ANKRD22: variants seen among roughly 807,000 people sequenced by gnomAD.
ANKRD22 encodes ankyrin repeat domain 22, also known as ankyrin repeat domain-containing protein 22.
Under a neutral mutation model 25.7 loss-of-function variants are expected in ANKRD22, and 24 were observed. That is an observed-to-expected ratio of 0.93 (90% CI 0.68 to 1.31). The LOEUF (loss-of-function observed/expected upper bound fraction) is 1.31. Among genes scored for constraint, ANKRD22 ranks in the 50% most tolerant of loss-of-function variants. ANKRD22 has a pLI of 0.00. For missense variants in ANKRD22, 214 were observed against 227.1 expected (o/e 0.94, Z 0.37); for synonymous variants, 84 against 84.3 (o/e 1.00, Z 0.02).
At chr10:88,847,779 A>C (rs1038409462) in intron 1 of ANKRD22, among the ~76,000 whole-genome samples, 24 of 151,924 alleles carry the variant, frequency 1.6e-4, no homozygotes, top group African/African-American at 5.3e-4. Context: ...AAAAAACCCC[A>C]AAAAACAAAA....
chr10:88,820,238 C>T lies in ANKRD22; in HGVS notation c.*2703G>A. The T allele has an allele frequency of 6.4e-7, 1 of 1,550,420 alleles. No individual in the cohort carries two copies. Among genetic ancestry groups the T allele is most frequent in the Non-Finnish European group, 8.7e-7 (1 of 1,146,618 alleles). ...AACTATTCCTTTTCTCTAGCCAACT[C>T]CTGTAAGGTACAGAGTCAGAGATAT... On this transcript the variant is annotated 3_prime_UTR_variant, in exon 6 of 6. Transcript: ENST00000371930.
At chr10:88,824,060 A>G (rs10887859) in intron 4 of ANKRD22, among the ~76,000 whole-genome samples, 46,379 of 151,898 alleles carry the variant, frequency 0.31, 8,176 homozygotes, top group East Asian at 0.44. Context: ...ATGGCCCTTT[A>G]CATAAACATT....
intron 4 of ANKRD22, among the ~76,000 whole-genome samples, chr10:88,824,211 T>C (rs1843832240): frequency 6.6e-6 from 1 of 152,244 alleles, no homozygotes; most frequent in South Asian, 2.1e-4. Context: ...TATAAGCTAG[T>C]GCATCTACTC....
At chr10:88,825,003 TCTCTCTCTCACACACA>T (rs1699026486) in intron 4 of ANKRD22, among the ~76,000 whole-genome samples, 1 of 91,170 alleles carries the variant, frequency 1.1e-5, no homozygotes, top group African/African-American at 3.1e-5. Flanking sequence ...TCTCTCTCTC[TCTCTCTCTCACACACA>T]CACACACACA....
At chr10:88,831,755 G>C in intron 2 of ANKRD22, 80 bp downstream of exon 2, 1 of 1,380,196 alleles carries the variant, frequency 7.2e-7, no homozygotes, top group Non-Finnish European at 9.7e-7. Context: ...TTTAAAAAAT[G>C]ACATGCACCA....
intron 1 of ANKRD22, among the ~76,000 whole-genome samples, chr10:88,836,819 G>A (rs1053210607): frequency 5.3e-5 from 8 of 151,984 alleles, no homozygotes; most frequent in Non-Finnish European, 2.9e-5. Flanking sequence ...GTCTGCAGAA[G>A]AAACAGAAAA....
chr10:88,843,831 A>T (rs1458972189), intron 1 of ANKRD22, among the ~76,000 whole-genome samples: 1 of 152,074 alleles, frequency 6.6e-6, no homozygotes, highest in South Asian at 2.1e-4. Context: ...CTCTCACATA[A>T]CCTACTATAT....
Position 88,821,911 on chromosome 10 carries a change from A to G in ANKRD22, c.*1030T>C, listed in dbSNP as rs1419014720. Among the ~76,000 whole-genome samples the G allele has an allele frequency of 6.6e-6, 1 of 152,260 alleles. No homozygotes were observed. The highest frequency in any genetic ancestry group is 6.5e-5 in the Admixed American group (1 of 15,278). On this transcript the variant is annotated 3_prime_UTR_variant, in exon 6 of 6. Transcript: ENST00000371930. Reference sequence around the variant, plus strand: ...TTTTGATATTCGCAATCTCTCACTTAGACAAATAATCCAGATCCTACCTCA... The same window carrying G: ...TTTTGATATTCGCAATCTCTCACTTGGACAAATAATCCAGATCCTACCTCA...
intron 1 of ANKRD22, among the ~76,000 whole-genome samples, chr10:88,844,312 C>T (rs772367610): frequency 6.6e-6 from 1 of 152,010 alleles, no homozygotes; most frequent in African/African-American, 2.4e-5. Context: ...GTCTCGTAGA[C>T]CATGGTTAGG....
chr10:88,843,350 G>A (rs921990163), intron 1 of ANKRD22, among the ~76,000 whole-genome samples: 3 of 152,030 alleles, frequency 2.0e-5, no homozygotes, highest in South Asian at 2.1e-4. Flanking sequence ...CCTGCCAAAG[G>A]TCAACTGTTG....
chr10:88,832,419 C>T (rs1843913514), intron 1 of ANKRD22, among the ~76,000 whole-genome samples: 1 of 148,574 alleles, frequency 6.7e-6, no homozygotes, highest in South Asian at 2.1e-4. Context: ...GACAAAATAC[C>T]TTTATCTTTA....
At chr10:88,835,931 C>G (rs1355082093) in intron 1 of ANKRD22, among the ~76,000 whole-genome samples, 1 of 152,154 alleles carries the variant, frequency 6.6e-6, no homozygotes, top group Non-Finnish European at 1.5e-5. Flanking sequence ...GAAAAGCTAT[C>G]ATAAACCCCT....
At chr10:88,842,787 A>G (rs572009688) in intron 1 of ANKRD22, among the ~76,000 whole-genome samples, 156 of 152,292 alleles carry the variant, frequency 1.0e-3, no homozygotes, top group African/African-American at 3.4e-3. Flanking sequence ...TTGGAAAAAT[A>G]ATGACAGGAA....
intron 1 of ANKRD22, among the ~76,000 whole-genome samples, chr10:88,850,050 C>T (rs914808729): frequency 6.6e-6 from 1 of 150,894 alleles, no homozygotes; most frequent in African/African-American, 2.4e-5. Context: ...AACATAGGAC[C>T]AGGGATCCAG....
At chr10:88,833,058 G>A (rs1843922361) in intron 1 of ANKRD22, among the ~76,000 whole-genome samples, 2 of 152,158 alleles carry the variant, frequency 1.3e-5, no homozygotes, top group Non-Finnish European at 1.5e-5. Context: ...CTGACATACT[G>A]TAATTCTTTT....
In ANKRD22 at chr10:88,829,098, T is replaced by A. The variant is rs146165128; in HGVS notation, c.214-432A>T. Among the ~76,000 whole-genome samples, 7 of 152,354 alleles carry A rather than the reference T, an allele frequency of 4.6e-5. No homozygotes were observed. The East Asian group carries it at 1.3e-3, about 29-fold the overall frequency. On this transcript the variant is annotated intron_variant, in intron 2 of 5. Coordinates refer to ENST00000371930, the MANE Select transcript of ANKRD22 (RefSeq NM_144590.3). ...CTCTTAACCACATGGCTGTTTTTCA[T>A]GTTCCTTCATGTGCATAGTCTAGAA...
intron 1 of ANKRD22, among the ~76,000 whole-genome samples, chr10:88,840,599 G>T (rs1280652704): frequency 1.3e-5 from 2 of 152,136 alleles, no homozygotes; most frequent in Non-Finnish European, 2.9e-5. Flanking sequence ...CATGCTACAA[G>T]CTCCCCTCAC....
chr10:88,831,805 T>C lies in ANKRD22; in HGVS notation c.213+30A>G, dbSNP rs75149463. On this transcript the variant is annotated intron_variant, in intron 2 of 5. Transcript: ENST00000371930. The stretch of plus-strand genomic sequence containing the variant: ...AAGAGAAAAGAATTATCATGAACAA[T>C]TACACTCTCCATTCATGTCATGACC... 0.01 allele frequency: 16,173 copies of C among 1,555,746 alleles called. 582 individuals are homozygous for C. The East Asian group carries it at 0.15, about 14-fold the overall frequency.
In ANKRD22 at chr10:88,837,294, C is replaced by T. The variant is rs148994785; in HGVS notation, c.22-5268G>A. Among the ~76,000 whole-genome samples, 932 of 152,272 alleles carry T rather than the reference C, an allele frequency of 6.1e-3. 10 individuals carry two copies. Among genetic ancestry groups the T allele is most frequent in the African/African-American group, 0.021 (860 of 41,540 alleles). On this transcript the variant is annotated intron_variant, in intron 1 of 5. Coordinates refer to ENST00000371930, the MANE Select transcript of ANKRD22 (RefSeq NM_144590.3). ...TCAGAAAGAATTAAATGTAACTGTG[C>T]AGATGAAGCACTTAGCTCAGATCTG...
Sources: allele counts gnomAD v4.1 joint callset (sites outside exome capture counted in the v4.1 genomes callset), GRCh38; gene constraint gnomAD v4.1.1; transcripts MANE v1.5; gene names NCBI Gene and HGNC (gene_info 2026-07-23, HGNC 2026-07-21).